Variants in ADORA1 observed in about 807,000 individuals in gnomAD.
The protein encoded by ADORA1 is adenosine A1 receptor.
In ADORA1, 6 loss-of-function variants were observed where a neutral mutation model predicts 19.9. The ratio of observed to expected loss-of-function variants is 0.30; its 90% CI spans 0.17 to 0.59. The LOEUF (loss-of-function observed/expected upper bound fraction) is 0.59, where lower values mean the gene tolerates loss of function less well. Among genes scored for constraint, ADORA1 ranks in the 20% least tolerant of loss-of-function variants. ADORA1 has a pLI of 0.87. For missense variants in ADORA1, 302 were observed against 439.2 expected (o/e 0.69, Z 2.79); for synonymous variants, 194 against 188.4 (o/e 1.03, Z -0.24).
chr1:203,162,947 T>G (rs1211976950), intron 3 of ADORA1, among the ~76,000 whole-genome samples: 2 of 152,216 alleles, frequency 1.3e-5, no homozygotes, highest in Non-Finnish European at 2.9e-5. Flanking sequence ...CCTGGGGATC[T>G]GGCCCCACTC....
chr1:203,162,308 G>A (rs1237181755), intron 3 of ADORA1, among the ~76,000 whole-genome samples: 1 of 152,196 alleles, frequency 6.6e-6, no homozygotes, highest in Non-Finnish European at 1.5e-5. Flanking sequence ...GGTCTGCTGG[G>A]ACTGGGTCCT....
At position 203,128,520 on chromosome 1, in the gene ADORA1, C is replaced by T. The variant is rs1003084552; in HGVS notation, c.-58+88C>T. 2.4e-5 allele frequency: 26 copies of T among 1,063,894 alleles called. No homozygotes were observed. In the South Asian group the frequency reaches 2.9e-4, roughly 12 times the overall value. 65.9% of individuals were successfully genotyped at this position (1,063,894 alleles called of 1,614,324 possible). On this transcript the variant is annotated intron_variant, in intron 2 of 3. Coordinates refer to ENST00000337894, the MANE Select transcript of ADORA1 (RefSeq NM_000674.3). The surrounding 1 kb of genome is among the most constrained non-coding windows in gnomAD (Gnocchi z 5.9). ...CTGTGCGTGTGTCTGTGTGTGCGCG[C>T]GCGCTGGGAGCTGCCTCACACCTGA...
chr1:203,160,739 A>G (rs1406589875), intron 3 of ADORA1, among the ~76,000 whole-genome samples: 1 of 152,192 alleles, frequency 6.6e-6, no homozygotes, highest in Non-Finnish European at 1.5e-5. Context: ...TGAGCCCAGG[A>G]GTTCGAGGTC....
In ADORA1 at chr1:203,128,329, G is replaced by A; in HGVS notation, c.-161G>A. On this transcript the variant is annotated 5_prime_UTR_variant, in exon 2 of 4. Coordinates refer to ENST00000337894, the MANE Select transcript of ADORA1 (RefSeq NM_000674.3). The surrounding 1 kb of genome is among the most constrained non-coding windows in gnomAD (Gnocchi z 5.9). ...GCCGGAGGACTATGAGCTGCCGCGCGTTGTCCAGAGCCCAGCCCAGCCCTA... is the reference window on the plus strand; with the variant it reads ...GCCGGAGGACTATGAGCTGCCGCGCATTGTCCAGAGCCCAGCCCAGCCCTA... The A allele has an allele frequency of 7.8e-7, 1 of 1,287,742 alleles. No homozygotes were observed. Among genetic ancestry groups the A allele is most frequent in the South Asian group, 1.2e-5 (1 of 80,918 alleles). The allele number at this position is 1,287,742 out of a possible 1,614,324, so 79.8% of individuals were successfully genotyped here.
chr1:203,153,111 C>A (rs540400677), intron 3 of ADORA1, among the ~76,000 whole-genome samples: 2 of 152,266 alleles, frequency 1.3e-5, no homozygotes, highest in East Asian at 3.9e-4. Flanking sequence ...GAGAAAAGAG[C>A]TCTCTGCAGG....
intron 3 of ADORA1, among the ~76,000 whole-genome samples, chr1:203,153,200 C>T (rs1195786382): frequency 6.6e-6 from 1 of 152,224 alleles, no homozygotes; most frequent in African/African-American, 2.4e-5. Context: ...GAGCTCTGCC[C>T]TGTGCTTTGC....
intron 3 of ADORA1, among the ~76,000 whole-genome samples, chr1:203,142,338 G>A (rs527463355): frequency 1.3e-5 from 2 of 152,308 alleles, no homozygotes; most frequent in Non-Finnish European, 2.9e-5. Flanking sequence ...CCTGCCCATC[G>A]TAACCAACAC....
intron 3 of ADORA1, among the ~76,000 whole-genome samples, chr1:203,137,134 T>C (rs1168333995): frequency 6.6e-6 from 1 of 152,130 alleles, no homozygotes; most frequent in East Asian, 1.9e-4. Flanking sequence ...CAACTTTAAA[T>C]AGGGTGGTCC....
At position 203,165,233 on chromosome 1, in the gene ADORA1, C is replaced by T. The variant is rs1373087715; in HGVS notation, c.342-28C>T. On this transcript the variant is annotated intron_variant, in intron 3 of 3. Transcript: ENST00000337894. The surrounding 1 kb of genome is among the most constrained non-coding windows in gnomAD (Gnocchi z 5.9). ...CTTTCGAGGCAGCTGGGAGGCAGATCCTCACACTCTGCCCTCCTCTCCCCC... is the reference window on the plus strand; with the variant it reads ...CTTTCGAGGCAGCTGGGAGGCAGATTCTCACACTCTGCCCTCCTCTCCCCC... The T allele has an allele frequency of 6.3e-7, 1 of 1,598,278 alleles. No homozygotes were observed.
Position 203,166,632 on chromosome 1 carries a change from G to A in ADORA1, c.*732G>A, listed in dbSNP as rs542766486. The A allele has an allele frequency of 6.6e-6, 1 of 152,622 alleles. No homozygotes were observed. Among genetic ancestry groups the A allele is most frequent in the Admixed American group, 6.5e-5 (1 of 15,290 alleles). The allele number at this position is 152,622 out of a possible 1,614,324, so 9.5% of individuals were successfully genotyped here. ...CCACGCCCTGGGGAGTGAGCTTGGT[G>A]CGGTAGGTGCTGGCCTCAAACAGCC... On this transcript the variant is annotated 3_prime_UTR_variant, in exon 4 of 4. Transcript: ENST00000337894.
At position 203,165,385 on chromosome 1, in the gene ADORA1, T is replaced by C. The variant is rs1655510122; in HGVS notation, c.466T>C (p.Trp156Arg). The change falls in exon 4 of 4, where the codon TGG becomes CGG. Residue 156 changes from tryptophan to arginine, a missense_variant. Transcript: ENST00000337894. This position sits in a 1 kb window ranked among gnomAD's most constrained non-coding sequence, Gnocchi z 5.9. ...WNNLSAVERA[W>R]AANGSMGEPV... Reference sequence around the variant, plus strand: ...CAATCTGAGTGCGGTGGAGCGGGCCTGGGCAGCCAACGGCAGCATGGGGGA... The same window carrying C: ...CAATCTGAGTGCGGTGGAGCGGGCCCGGGCAGCCAACGGCAGCATGGGGGA... 3 of 1,606,312 alleles carry C rather than the reference T, an allele frequency of 1.9e-6. No homozygotes were observed. The highest frequency in any genetic ancestry group is 1.7e-4 in the Middle Eastern group (1 of 6,016).
intron 3 of ADORA1, among the ~76,000 whole-genome samples, chr1:203,143,761 T>A (rs1654771982): frequency 2.6e-5 from 4 of 152,198 alleles, no homozygotes. Context: ...TCATCCTTCT[T>A]GATGTAGAAC....
intron 3 of ADORA1, among the ~76,000 whole-genome samples, chr1:203,133,683 C>T (rs1190867478): frequency 1.3e-5 from 2 of 152,244 alleles, no homozygotes; most frequent in Non-Finnish European, 2.9e-5. Context: ...CCAGCATCTT[C>T]CCCTCCACCT....
At chr1:203,141,132 G>A (rs1202228877) in intron 3 of ADORA1, among the ~76,000 whole-genome samples, 1 of 152,266 alleles carries the variant, frequency 6.6e-6, no homozygotes, top group Non-Finnish European at 1.5e-5. Context: ...ATTTAGCCCA[G>A]CCCTGATGGC....
chr1:203,135,175 C>CCTCCATTT (rs930794331), intron 3 of ADORA1, among the ~76,000 whole-genome samples: 1 of 152,174 alleles, frequency 6.6e-6, no homozygotes, highest in Non-Finnish European at 1.5e-5. Context: ...TGCTTACATA[C>CCTCCATTT]CCCCATTTCC....
intron 3 of ADORA1, among the ~76,000 whole-genome samples, chr1:203,142,986 A>G (rs540866677): frequency 2.0e-5 from 3 of 152,310 alleles, no homozygotes; most frequent in Admixed American, 2.0e-4. Context: ...TGGGGCCATA[A>G]CTGGGAGAGC....
Position 203,151,853 on chromosome 1 carries a change from A to G in ADORA1, c.342-13408A>G, listed in dbSNP as rs535587816. On this transcript the variant is annotated intron_variant, in intron 3 of 3. Transcript: ENST00000337894. ...TCAATAAATATTTATTTCTCTTTACATTCCATCTTGCCCCCCATCTTCCTC... is the reference window on the plus strand; with the variant it reads ...TCAATAAATATTTATTTCTCTTTACGTTCCATCTTGCCCCCCATCTTCCTC... Among the ~76,000 whole-genome samples the G allele has an allele frequency of 1.9e-3, 282 of 152,052 alleles. 2 individuals are homozygous for G. The highest frequency in any genetic ancestry group is 6.4e-3 in the African/African-American group (265 of 41,454).
rs11547176 is a variant in ADORA1 at position 203,129,155 on chromosome 1, G to A, written c.314G>A (p.Arg105His). Reference protein sequence around the residue: ...ILALLAIAVDRYLRVKIPLRY... With the variant: ...ILALLAIAVDHYLRVKIPLRY... ...GCCCTGCTGGCAATTGCTGTGGACC[G>A]CTACCTCCGGGTCAAGATCCCTCTC... is the stretch of plus-strand genomic sequence containing the variant. The change falls in exon 3 of 4, where the codon CGC (arginine) becomes CAC (histidine). Residue 105 changes from arginine to histidine, a missense_variant. Transcript: ENST00000337894. 3 of 1,612,712 alleles carry A rather than the reference G, an allele frequency of 1.9e-6. No homozygotes were observed. The highest frequency in any genetic ancestry group is 2.5e-6 in the Non-Finnish European group (3 of 1,179,228).
intron 3 of ADORA1, among the ~76,000 whole-genome samples, chr1:203,153,175 G>A (rs1055073869): frequency 6.6e-6 from 1 of 152,158 alleles, no homozygotes; most frequent in Admixed American, 6.5e-5. Flanking sequence ...ACCTTTGAGT[G>A]GGGGAGCTGG....
Sources: gnomAD v4.1 joint callset for allele counts (sites outside exome capture counted in the v4.1 genomes callset) on GRCh38, gnomAD v4.1.1 for gene constraint, Gnocchi (gnomAD v3.1) non-coding constraint, MANE v1.5 for transcripts, NCBI Gene and HGNC (gene_info 2026-07-23, HGNC 2026-07-21) for gene names.